Variants in PCDHA3 observed in about 807,000 individuals in gnomAD.
PCDHA3 encodes protocadherin alpha-3.
In PCDHA3, 41 loss-of-function variants were observed where a neutral mutation model predicts 62.2. The observed-to-expected ratio is 0.66, with a 90% CI of 0.51 to 0.86. PCDHA3 has a LOEUF of 0.86. PCDHA3 is among the 40% of genes least tolerant of loss of function. The pLI is 0.00. For synonymous variants in PCDHA3, 640 were observed against 555.4 expected, an observed-to-expected ratio of 1.15 and a Z score of -2.14; for missense variants, 1,304 against 1,241.2, an observed-to-expected ratio of 1.05 and a Z score of -0.76.
chr5:140,972,910 C>G (rs2096563603), intron 1 of PCDHA3, among the ~76,000 whole-genome samples: 1 of 152,054 alleles, frequency 6.6e-6, no homozygotes, highest in Non-Finnish European at 1.5e-5. Flanking sequence ...GATCCACCCG[C>G]CTTGGCCTCC....
intron 1 of PCDHA3, among the ~76,000 whole-genome samples, chr5:140,844,747 T>A (rs1779528592): frequency 6.7e-6 from 1 of 149,678 alleles, no homozygotes; most frequent in South Asian, 2.1e-4. Context: ...TATTATGGGA[T>A]AAATCTTTGA....
At chr5:140,972,415 A>G (rs1048437043) in intron 1 of PCDHA3, among the ~76,000 whole-genome samples, 2 of 152,138 alleles carry the variant, frequency 1.3e-5, no homozygotes, top group East Asian at 3.9e-4. Flanking sequence ...AACCCTGTTA[A>G]GATCTTTTAT....
chr5:140,803,297 G>C lies in PCDHA3; in HGVS notation c.2100G>C (p.Leu700Phe), dbSNP rs1554122693. Residue 700 changes from leucine (L) to phenylalanine (F), a missense_variant, in exon 1 of 4, where the codon TTG becomes TTC. Physicochemically the swap from Leu to Phe is conservative, Grantham distance 22. Transcript: ENST00000522353. ...EAALVDVNVY[L>F]IVAICAVSSL... ...CACTGGTGGATGTCAACGTGTACTT[G>C]ATCGTCGCCATCTGCGCGGTGTCCA... The C allele has an allele frequency of 3.1e-6, 5 of 1,614,110 alleles. No individual in the cohort carries two copies. Among genetic ancestry groups the C allele is most frequent in the Non-Finnish European group, 4.2e-6 (5 of 1,179,992 alleles).
At chr5:140,807,858 G>T in intron 1 of PCDHA3, 1 of 1,614,144 alleles carries the variant, frequency 6.2e-7, no homozygotes, top group Non-Finnish European at 8.5e-7. Flanking sequence ...GAGTTGACTG[G>T]CACCGTTCAG....
chr5:140,913,489 G>C (rs1428566821), intron 1 of PCDHA3, among the ~76,000 whole-genome samples: 1 of 151,754 alleles, frequency 6.6e-6, no homozygotes, highest in Non-Finnish European at 1.5e-5. Context: ...TTCTTCATTA[G>C]TCTGTTTAAA....
At chr5:140,955,623 T>C (rs2095210763) in intron 1 of PCDHA3, among the ~76,000 whole-genome samples, 1 of 152,208 alleles carries the variant, frequency 6.6e-6, no homozygotes, top group Non-Finnish European at 1.5e-5. Context: ...GGCAGTTCTT[T>C]ATAGCAGTGT....
chr5:140,893,753 A>G (rs1007226278), intron 1 of PCDHA3, among the ~76,000 whole-genome samples: 3 of 152,106 alleles, frequency 2.0e-5, no homozygotes, highest in South Asian at 2.1e-4. Context: ...GAATTTTCTT[A>G]TAGGTGACTT....
At position 140,842,992 on chromosome 5, in the gene PCDHA3, C is replaced by G. The variant is rs144435690; in HGVS notation, c.2394+39401C>G. On this transcript the variant is annotated intron_variant, in intron 1 of 3. Coordinates refer to ENST00000522353, the MANE Select transcript of PCDHA3 (RefSeq NM_018906.3). The stretch of plus-strand genomic sequence containing the variant: ...TGACGCTGCAGGTGTTCGTGCTGGA[C>G]GAGAATGACAACGCGCCGGCACTGC... 42 of 1,594,970 alleles carry G rather than the reference C, an allele frequency of 2.6e-5. 1 individual carries two copies. In the African/African-American group the frequency reaches 5.2e-4, roughly 20 times the overall value.
chr5:140,959,107 C>A (rs1330357931), intron 1 of PCDHA3, among the ~76,000 whole-genome samples: 1 of 151,920 alleles, frequency 6.6e-6, no homozygotes, highest in South Asian at 2.1e-4. Context: ...CAGCAGGGGT[C>A]CGAAGGTGGG....
At chr5:140,871,321 T>A in intron 1 of PCDHA3, 2 of 1,614,066 alleles carry the variant, frequency 1.2e-6, no homozygotes, top group Non-Finnish European at 1.7e-6. Flanking sequence ...CACGCTGGTG[T>A]GCTCCCGCGC....
chr5:140,966,575 A>C (rs2096022921), intron 1 of PCDHA3: 1 of 520,380 alleles, frequency 1.9e-6, no homozygotes, highest in Non-Finnish European at 3.2e-6. Context: ...ATGGGGAGTC[A>C]GCGAGGACGG....
At chr5:140,864,745 T>G (rs528957668) in intron 1 of PCDHA3, 1 of 152,328 alleles carries the variant, frequency 6.6e-6, no homozygotes, top group Non-Finnish European at 1.5e-5. Flanking sequence ...GAGCACCGAT[T>G]ATACTCATTT....
At chr5:140,882,188 A>G (rs1446435577) in intron 1 of PCDHA3, 6 of 1,519,650 alleles carry the variant, frequency 3.9e-6, no homozygotes, top group African/African-American at 1.4e-5. Context: ...CTAGGAAGCC[A>G]TAAAAATTGG....
chr5:140,876,398 A>C (rs782094508), intron 1 of PCDHA3: 1 of 1,613,962 alleles, frequency 6.2e-7, no homozygotes, highest in South Asian at 1.1e-5. Flanking sequence ...GGTGAACTGG[A>C]TTTTGAAGAG....
chr5:140,985,929 CG>C (rs2097179106), intron 3 of PCDHA3, among the ~76,000 whole-genome samples: 1 of 151,796 alleles, frequency 6.6e-6, no homozygotes, highest in Non-Finnish European at 1.5e-5. Flanking sequence ...TTAGTAGAGC[CG>C]GGGTTTCACT....
rs1232037230 is a variant in PCDHA3 at position 140,844,720 on chromosome 5, C to T, written c.2394+41129C>T. On this transcript the variant is annotated intron_variant, in intron 1 of 3. Coordinates refer to ENST00000522353, the MANE Select transcript of PCDHA3 (RefSeq NM_018906.3). ...TTGGGATTATCATGGCCCATTAGTTCGTGTAAAAATATTTAGTATTATGGG... is the reference window on the plus strand; with the variant it reads ...TTGGGATTATCATGGCCCATTAGTTTGTGTAAAAATATTTAGTATTATGGG... Among the ~76,000 whole-genome samples the T allele has an allele frequency of 5.4e-5, 8 of 149,304 alleles. 1 individual carries two copies. Among genetic ancestry groups the T allele is most frequent in the East Asian group, 1.9e-4 (1 of 5,172 alleles).
chr5:140,839,264 A>G (rs1213155115), intron 1 of PCDHA3, among the ~76,000 whole-genome samples: 2 of 152,102 alleles, frequency 1.3e-5, no homozygotes, highest in African/African-American at 4.8e-5. Context: ...ACATGCATGT[A>G]TATTTAAAAC....
At chr5:140,934,547 C>A (rs2089905916) in intron 1 of PCDHA3, among the ~76,000 whole-genome samples, 1 of 152,124 alleles carries the variant, frequency 6.6e-6, no homozygotes, top group African/African-American at 2.4e-5. Flanking sequence ...CTAATTCTAT[C>A]ATTTCTTCTT....
In PCDHA3 at chr5:140,868,769, A is replaced by G. The variant is rs144958028; in HGVS notation, c.2394+65178A>G. 95 of 255,700 alleles carry G rather than the reference A, an allele frequency of 3.7e-4. No individual in the cohort carries two copies. In the Middle Eastern group the frequency reaches 9.0e-3, roughly 24 times the overall value. 15.8% of individuals were successfully genotyped at this position (255,700 alleles called of 1,614,324 possible). On this transcript the variant is annotated intron_variant, in intron 1 of 3. Coordinates refer to ENST00000522353, the MANE Select transcript of PCDHA3 (RefSeq NM_018906.3). ...CCATTTCCATATATATTTAGTTTCA[A>G]TATGACTTATAATCTGAATATTCCA... is the stretch of plus-strand genomic sequence containing the variant.
Sources: allele counts gnomAD v4.1 joint callset (sites outside exome capture counted in the v4.1 genomes callset), GRCh38; gene constraint gnomAD v4.1.1; transcripts MANE v1.5; gene names NCBI Gene and HGNC (gene_info 2026-07-23, HGNC 2026-07-21).